Variants in NCALD observed in about 807,000 individuals in gnomAD.
NCALD encodes neurocalcin-delta.
A neutral mutation model predicts 18.6 loss-of-function variants in NCALD; 10 were observed. The observed-to-expected ratio is 0.54, with a 90% CI of 0.33 to 0.91. The LOEUF is 0.91. Ranked by LOEUF, NCALD falls within the 40% of genes least tolerant of loss-of-function variation. The pLI is 0.03. For missense variants in NCALD, 184 were observed against 247.6 expected (o/e 0.74, Z 1.72); for synonymous variants, 88 against 87.4 (o/e 1.01, Z -0.04).
At position 102,026,660 on chromosome 8, in the gene NCALD, C is replaced by T. The variant is rs542203118; in HGVS notation, c.-209-6371G>A. ...GGCTTTTTCAGGCACACAGTGCAAG[C>T]TGTCAGTGGACATACTATTCTAAGG... On this transcript the variant is annotated intron_variant, in intron 1 of 6. Coordinates refer to the NCALD transcript ENST00000311028. Among the ~76,000 whole-genome samples, 18 of 152,304 alleles carry T rather than the reference C, an allele frequency of 1.2e-4. No homozygotes were observed. The South Asian group carries it at 3.7e-3, about 32-fold the overall frequency.
chr8:101,871,155 G>A (rs541597885), intron 4 of NCALD, among the ~76,000 whole-genome samples: 2 of 152,000 alleles, frequency 1.3e-5, no homozygotes, highest in African/African-American at 2.4e-5. Flanking sequence ...TATTCCTGGC[G>A]CAGCTTAACC....
intron 3 of NCALD, among the ~76,000 whole-genome samples, chr8:101,889,317 C>T (rs1394024607): frequency 1.3e-5 from 2 of 152,204 alleles, no homozygotes; most frequent in African/African-American, 4.8e-5. Flanking sequence ...TTGGTTAAGC[C>T]ACTGTAGAAG....
chr8:101,692,510 C>A (rs1814775408), intron 3 of NCALD: 1 of 985,326 alleles, frequency 1.0e-6, no homozygotes, highest in Admixed American at 6.1e-5. Flanking sequence ...ACAATGGTTT[C>A]TTGGTTCCTT....
rs77640905 is a variant in NCALD at position 102,085,304 on chromosome 8, C to G, written c.-210+38933G>C. On this transcript the variant is annotated intron_variant, in intron 1 of 6. Transcript: ENST00000311028. ...CAACAAAAAATGTCCCCAAACATTGCCAAACGTCTTATTTGTCCCACATCT... is the reference window on the plus strand; with the variant it reads ...CAACAAAAAATGTCCCCAAACATTGGCAAACGTCTTATTTGTCCCACATCT... 7.7e-4 allele frequency among the ~76,000 whole-genome samples: 117 copies of G among 152,346 alleles called. 1 individual carries two copies. The highest frequency in any genetic ancestry group is 2.7e-3 in the African/African-American group (112 of 41,572).
chr8:101,852,739 C>A (rs1040933842), intron 4 of NCALD: 3 of 152,200 alleles, frequency 2.0e-5, no homozygotes, highest in Admixed American at 6.5e-5. Context: ...ATACTATGAT[C>A]TGCATTGGTG....
intron 1 of NCALD, among the ~76,000 whole-genome samples, chr8:102,072,172 G>T (rs1019315407): frequency 6.6e-6 from 1 of 151,988 alleles, no homozygotes; most frequent in Non-Finnish European, 1.5e-5. Context: ...ATGAAAAGGC[G>T]CTCAATATTG....
intron 1 of NCALD, among the ~76,000 whole-genome samples, chr8:102,108,370 G>A (rs1476562682): frequency 2.0e-5 from 3 of 152,190 alleles, no homozygotes; most frequent in Non-Finnish European, 4.4e-5. Context: ...GAAAAGTGTA[G>A]TTATTTAGAA....
intron 4 of NCALD, among the ~76,000 whole-genome samples, chr8:101,869,016 G>A (rs576173): frequency 0.26 from 39,632 of 152,070 alleles, 5,565 homozygotes; most frequent in East Asian, 0.36. Context: ...TGCCTGGGGA[G>A]GTCCTCCCAA....
At chr8:101,748,922 T>C (rs1356520912) in intron 1 of NCALD, among the ~76,000 whole-genome samples, 1 of 152,220 alleles carries the variant, frequency 6.6e-6, no homozygotes, top group Non-Finnish European at 1.5e-5. Flanking sequence ...GTGAGGTTTG[T>C]TGGTGCCACA....
At chr8:101,844,996 T>C (rs930070872) in intron 4 of NCALD, among the ~76,000 whole-genome samples, 1 of 152,176 alleles carries the variant, frequency 6.6e-6, no homozygotes, top group Non-Finnish European at 1.5e-5. Flanking sequence ...TGTGCTAGTA[T>C]ACCATAGACC....
intron 4 of NCALD, among the ~76,000 whole-genome samples, chr8:101,862,851 G>T (rs1815601225): frequency 6.6e-6 from 1 of 152,120 alleles, no homozygotes; most frequent in African/African-American, 2.4e-5. Flanking sequence ...TTTTAAAAAG[G>T]CATTATTAAT....
intron 4 of NCALD, among the ~76,000 whole-genome samples, chr8:101,851,696 C>T (rs1466024850): frequency 1.3e-5 from 2 of 152,062 alleles, no homozygotes; most frequent in African/African-American, 4.8e-5. Context: ...CACTCGAGAC[C>T]TCCTGGATCC....
intron 4 of NCALD, among the ~76,000 whole-genome samples, chr8:101,807,727 G>A (rs1813155834): frequency 6.6e-6 from 1 of 152,132 alleles, no homozygotes; most frequent in Admixed American, 6.5e-5. Context: ...TTACAGCAAA[G>A]TTACTGAAAT....
chr8:101,900,933 T>A (rs1334552892), intron 3 of NCALD, among the ~76,000 whole-genome samples: 1 of 152,004 alleles, frequency 6.6e-6, no homozygotes, highest in Non-Finnish European at 1.5e-5. Flanking sequence ...TGTGTTGAGG[T>A]TTTTAACTCT....
chr8:101,693,745 G>T (rs894438954), intron 2 of NCALD: 1 of 152,190 alleles, frequency 6.6e-6, no homozygotes, highest in African/African-American at 2.4e-5. Flanking sequence ...AAGGATGACA[G>T]ACATGTAACA....
chr8:101,736,048 C>T (rs545743583), intron 1 of NCALD, among the ~76,000 whole-genome samples: 5 of 152,310 alleles, frequency 3.3e-5, no homozygotes, highest in African/African-American at 1.2e-4. Flanking sequence ...AAAGGTGCTC[C>T]TTCCTCGACA....
chr8:101,730,277 C>T (rs900431398), intron 1 of NCALD, among the ~76,000 whole-genome samples: 9 of 151,702 alleles, frequency 5.9e-5, no homozygotes, highest in African/African-American at 1.7e-4. Flanking sequence ...GTCAGGAGTT[C>T]GAGACCAGCC....
intron 1 of NCALD, among the ~76,000 whole-genome samples, chr8:102,026,401 G>A (rs1164462905): frequency 6.6e-6 from 1 of 152,180 alleles, no homozygotes; most frequent in African/African-American, 2.4e-5. Context: ...CATTCCAAAT[G>A]GGAGAAATTG....
chr8:101,738,189 A>C (rs917966254), intron 1 of NCALD, among the ~76,000 whole-genome samples: 1 of 152,176 alleles, frequency 6.6e-6, no homozygotes, highest in Non-Finnish European at 1.5e-5. Context: ...GGAAACTGAG[A>C]GTAGTCTCAA....
Sources: gnomAD v4.1 joint callset for allele counts (sites outside exome capture counted in the v4.1 genomes callset) on GRCh38, gnomAD v4.1.1 for gene constraint, MANE v1.5 for transcripts, NCBI Gene and HGNC (gene_info 2026-07-23, HGNC 2026-07-21) for gene names.